The following MAPK8IP2 variants were observed in gnomAD, a reference collection of about 807,000 sequenced individuals.
MAPK8IP2 encodes C-Jun-amino-terminal kinase-interacting protein 2.
Under a neutral mutation model 75.6 loss-of-function variants are expected in MAPK8IP2, and 15 were observed. The observed-to-expected ratio is 0.20, with a 90% CI of 0.13 to 0.31. MAPK8IP2 has a LOEUF of 0.31. MAPK8IP2 is among the 10% of genes least tolerant of loss of function. The probability of loss-of-function intolerance (pLI) is 1.00; values close to 1 mark genes in which losing one functional copy is unlikely to be tolerated. For synonymous variants in MAPK8IP2, 632 were observed against 554.5 expected, an observed-to-expected ratio of 1.14 and a Z score of -1.96; for missense variants, 1,089 against 1,211.2, an observed-to-expected ratio of 0.90 and a Z score of 1.50.
chr22:50,610,990 T>C lies in MAPK8IP2; in HGVS notation c.*211T>C. ...GGAGTGGAGCCCCCGTGCCCCTGCT[T>C]TTCCTCAGATCCGTTCTTTCTCTGT... On this transcript the variant is annotated 3_prime_UTR_variant, in exon 12 of 12. Transcript: ENST00000329492. The surrounding 1 kb of genome is among the most constrained non-coding windows in gnomAD (Gnocchi z 4.3). The C allele has an allele frequency of 1.8e-6, 1 of 549,968 alleles. No homozygotes were observed. Among genetic ancestry groups the C allele is most frequent in the Non-Finnish European group, 3.3e-6 (1 of 307,098 alleles). The allele number at this position is 549,968 out of a possible 1,614,324, so 34.1% of individuals were successfully genotyped here. A position where few individuals can be genotyped will look rare whatever the true frequency, so the allele number is the denominator to read the frequency against.
rs749174201 is a variant in MAPK8IP2 at position 50,610,610 on chromosome 22, G to C, written c.2403-97G>C. 1.4e-5 allele frequency: 14 copies of C among 989,252 alleles called. No individual in the cohort carries two copies. The highest frequency in any genetic ancestry group is 2.0e-5 in the Non-Finnish European group (13 of 648,000). 61.3% of individuals were successfully genotyped at this position (989,252 alleles called of 1,614,324 possible). A position where few individuals can be genotyped will look rare whatever the true frequency, so the allele number is the denominator to read the frequency against. On this transcript the variant is annotated intron_variant, in intron 11 of 11. Transcript: ENST00000329492. The surrounding 1 kb of genome is among the most constrained non-coding windows in gnomAD (Gnocchi z 4.3). ...GGGTGGGGGGTTATGGATGGCTGCA[G>C]AGGGAGGAAGGAGGGAGAGCTCAGA...
chr22:50,604,176 C>T lies in MAPK8IP2; in HGVS notation c.877C>T (p.Leu293Phe). ...GSSSSGRSSH[L>F]TNSIEEASSP... The stretch of plus-strand genomic sequence containing the variant: ...CAGCAGCAGCGGCCGCTCCTCGCAC[C>T]TCACCAACTCCATCGAGGAGGCCTC... The change falls in exon 5 of 12, where the codon CTC becomes TTC. Residue 293 changes from leucine to phenylalanine, a missense_variant. Leu to Phe is a conservative substitution (Grantham distance 22). Around this residue, in one of 2 missense-constraint regions of MAPK8IP2, gnomAD observed 960 missense variants for 1,009.6 expected, o/e 0.95. Coordinates refer to ENST00000329492, the MANE Select transcript of MAPK8IP2 (RefSeq NM_012324.6). The T allele has an allele frequency of 1.3e-6, 2 of 1,549,034 alleles. No homozygotes were observed. Among genetic ancestry groups the T allele is most frequent in the East Asian group, 2.4e-5 (1 of 41,660 alleles).
chr22:50,603,310 A>G lies in MAPK8IP2; in HGVS notation c.259A>G (p.Asn87Asp), dbSNP rs370878721. Residue 87 changes from asparagine (N) to aspartate (D), a missense_variant, in exon 3 of 12, where the codon AAT (asparagine) becomes GAT (aspartate). Asn to Asp is a conservative substitution (Grantham distance 23). Transcript: ENST00000329492. ...DFQEFEMIDD[N>D]EEEDDEDEEE... ...CCAGGAGTTTGAGATGATCGATGAC[A>G]ATGAAGAGGAGGACGATGAGGACGA... 6 of 1,568,598 alleles carry G rather than the reference A, an allele frequency of 3.8e-6. No homozygotes were observed. Among genetic ancestry groups the G allele is most frequent in the South Asian group, 1.2e-5 (1 of 86,536 alleles).
chr22:50,610,214 A>G lies in MAPK8IP2; in HGVS notation c.2306A>G (p.Tyr769Cys). The G allele has an allele frequency of 1.9e-6, 3 of 1,599,822 alleles. No homozygotes were observed. The highest frequency in any genetic ancestry group is 2.6e-6 in the Non-Finnish European group (3 of 1,173,704). The change falls in exon 11 of 12, where the codon TAT becomes TGT. Residue 769 changes from tyrosine to cysteine, a missense_variant and splice_region_variant. Transcript: ENST00000329492. This position sits in a 1 kb window ranked among gnomAD's most constrained non-coding sequence, Gnocchi z 4.3. The stretch of plus-strand genomic sequence containing the variant: ...CCTCCACACTGACTTGCCCGCAGCT[A>G]TTTCGGCTTCATCACCAAACACCCC... Reference protein sequence around the residue: ...FCGCHPRNSCYFGFITKHPLL... With the variant: ...FCGCHPRNSCCFGFITKHPLL...
Position 50,603,648 on chromosome 22 carries a change from G to T in MAPK8IP2, c.470G>T (p.Gly157Val), listed in dbSNP as rs375281451. 3.9e-5 allele frequency: 62 copies of T among 1,594,168 alleles called. No individual in the cohort carries two copies. In the African/African-American group the frequency reaches 8.1e-4, roughly 21 times the overall value. ...GAQDSLNNNG[G>V]FDLVRPASWQ... ...CAGGACTCCCTAAACAACAACGGAG[G>T]CTTTGACCTGGTGCGTCCGGCCTCC... Residue 157 changes from glycine to valine, a missense_variant, in exon 4 of 12, where the codon GGC (glycine) becomes GTC (valine). By Grantham distance (109) the Gly-to-Val change is moderately radical. Around this residue, in one of 2 missense-constraint regions of MAPK8IP2, gnomAD observed 960 missense variants for 1,009.6 expected, o/e 0.95. Coordinates refer to ENST00000329492, the MANE Select transcript of MAPK8IP2 (RefSeq NM_012324.6).
chr22:50,606,000 C>A, intron 8 of MAPK8IP2, 66 bp downstream of exon 8: 3 of 1,288,178 alleles, frequency 2.3e-6, no homozygotes, highest in South Asian at 1.3e-5. Context: ...GCACTGCAGG[C>A]TGGCACAGGG....
intron 2 of MAPK8IP2, among the ~76,000 whole-genome samples, chr22:50,602,567 G>A (rs1337319961): frequency 1.3e-5 from 2 of 152,226 alleles, no homozygotes; most frequent in South Asian, 4.1e-4. Context: ...AATCCACACT[G>A]AAGGAATCAG....
rs772197693 is a variant in MAPK8IP2, at chr22:50,609,940, G to A, written c.2304-272G>A. 2.0e-5 allele frequency: 13 copies of A among 637,348 alleles called. 1 individual carries two copies. The highest frequency in any genetic ancestry group is 3.4e-5 in the East Asian group (1 of 29,252). 39.5% of individuals were successfully genotyped at this position (637,348 alleles called of 1,614,324 possible). On this transcript the variant is annotated intron_variant, in intron 10 of 11. Transcript: ENST00000329492. ...CAGGCCCTGAATAGGGCCACAGAGG[G>A]TAGCAGCACCGGCTCAGAGAAGGGA...
In MAPK8IP2 at chr22:50,613,759, G is replaced by A. The variant is rs2071185308; in HGVS notation, c.*2980G>A. On this transcript the variant is annotated 3_prime_UTR_variant, in exon 12 of 12. Transcript: ENST00000329492. ...TCACTGGGTGACCTCCCGTCCTTGT[G>A]GGCGCTCCCGGGCCCTGGTCTCGGG... 9 of 152,148 alleles carry A rather than the reference G, an allele frequency of 5.9e-5. No individual in the cohort carries two copies. The highest frequency in any genetic ancestry group is 5.9e-4 in the Admixed American group (9 of 15,276). 9.4% of individuals were successfully genotyped at this position (152,148 alleles called of 1,614,324 possible). A position where few individuals can be genotyped will look rare whatever the true frequency, so the allele number is the denominator to read the frequency against.
rs574715720 is a variant in MAPK8IP2, at chr22:50,612,483, A to G, written c.*1704A>G. On this transcript the variant is annotated 3_prime_UTR_variant, in exon 12 of 12. Transcript: ENST00000329492. ...AAACATTAGAAAGTGCTGTCCGTAA[A>G]AAACACGTCTTCACAGAGCCAACAA... The G allele has an allele frequency of 1.3e-5, 2 of 152,338 alleles. No individual in the cohort carries two copies. Among genetic ancestry groups the G allele is most frequent in the South Asian group, 4.1e-4 (2 of 4,824 alleles). 9.4% of individuals were successfully genotyped at this position (152,338 alleles called of 1,614,324 possible). A position where few individuals can be genotyped will look rare whatever the true frequency, so the allele number is the denominator to read the frequency against.
chr22:50,604,164 C>G lies in MAPK8IP2; in HGVS notation c.865C>G (p.Arg289Gly). The change falls in exon 5 of 12, where the codon CGC becomes GGC. Residue 289 changes from arginine (R) to glycine (G), a missense_variant. Around this residue, in one of 2 missense-constraint regions of MAPK8IP2, gnomAD observed 960 missense variants for 1,009.6 expected, o/e 0.95. Coordinates refer to ENST00000329492, the MANE Select transcript of MAPK8IP2 (RefSeq NM_012324.6). ...CGATGGCGGAAGCAGCAGCAGCGGC[C>G]GCTCCTCGCACCTCACCAACTCCAT... The part of the protein sequence containing the change: ...SSDGGSSSSG[R>G]SSHLTNSIEE... 1 of 1,550,134 alleles carries G rather than the reference C, an allele frequency of 6.5e-7. No individual in the cohort carries two copies. Among genetic ancestry groups the G allele is most frequent in the Non-Finnish European group, 8.6e-7 (1 of 1,156,588 alleles).
intron 10 of MAPK8IP2, among the ~76,000 whole-genome samples, chr22:50,609,521 G>C (rs2071109334): frequency 6.6e-6 from 1 of 151,766 alleles, no homozygotes; most frequent in African/African-American, 2.4e-5. Context: ...CTGGCAAGCA[G>C]ACCATCATGT....
intron 10 of MAPK8IP2, among the ~76,000 whole-genome samples, chr22:50,608,830 C>T (rs966432809): frequency 2.7e-5 from 4 of 150,552 alleles, no homozygotes; most frequent in Admixed American, 6.6e-5. Context: ...GCGGACGGGG[C>T]GCAGACCAGA....
intron 1 of MAPK8IP2, chr22:50,601,453 GTTGC>G: frequency 4.1e-6 from 1 of 243,938 alleles, no homozygotes; most frequent in South Asian, 7.3e-5. Context: ...CCGCTGCCGC[GTTGC>G]AGCTCCCCCT....
In MAPK8IP2 at chr22:50,604,766, C is replaced by T. The variant is rs2071014605; in HGVS notation, c.1467C>T (p.Pro489=). 10 of 1,544,104 alleles carry T rather than the reference C, an allele frequency of 6.5e-6. No homozygotes were observed. Among genetic ancestry groups the T allele is most frequent in the Non-Finnish European group, 8.7e-6 (10 of 1,145,434 alleles). Residue 489 remains proline (P), a synonymous_variant, in exon 5 of 12, where the codon CCC becomes CCT. Coordinates refer to ENST00000329492, the MANE Select transcript of MAPK8IP2 (RefSeq NM_012324.6). ...ATGCCGAGGACAGTGCGGGGTCCCC[C>T]GGGGGCAGGGGCACGGGCCCCTCGG... The part of the protein sequence containing the change: ...EEDAEDSAGS[P]GGRGTGPSAP...
Position 50,605,001 on chromosome 22 carries a change from C to T in MAPK8IP2, c.1702C>T (p.Pro568Ser), listed in dbSNP as rs1290895021. ...CTCGGGGGACACCTCGCCGGACAGC[C>T]CTGACCTCACTTTCTCCAAGAAGTT... ...QVSGDTSPDS[P>S]DLTFSKKFLN... is the part of the protein sequence containing the mutation. Residue 568 changes from proline to serine, a missense_variant, in exon 5 of 12, where the codon CCT becomes TCT. Transcript: ENST00000329492. The T allele has an allele frequency of 1.9e-6, 3 of 1,612,364 alleles. No individual in the cohort carries two copies. The highest frequency in any genetic ancestry group is 2.7e-5 in the African/African-American group (2 of 74,912).
chr22:50,602,009 C>A (rs1461011661), intron 2 of MAPK8IP2, 115 bp downstream of exon 2: 4 of 758,776 alleles, frequency 5.3e-6, no homozygotes, highest in African/African-American at 5.2e-5. Context: ...ACCGGGGACT[C>A]CTCTGATGGC....
At chr22:50,603,548 AC>A in intron 3 of MAPK8IP2, 50 bp downstream of exon 3, 1 of 1,577,404 alleles carries the variant, frequency 6.3e-7, no homozygotes. Flanking sequence ...GGTTCATAGC[AC>A]CTGGGCTGCA....
In MAPK8IP2 at chr22:50,603,214, G is replaced by A. The variant is rs777747481; in HGVS notation, c.172-9G>A. 19 of 1,611,682 alleles carry A rather than the reference G, an allele frequency of 1.2e-5. No homozygotes were observed. Among genetic ancestry groups the A allele is most frequent in the Admixed American group, 5.0e-5 (3 of 59,934 alleles). On this transcript the variant is annotated splice_polypyrimidine_tract_variant and intron_variant, in intron 2 of 11. Transcript: ENST00000329492. ...TGGCCCAGCCCTGCTATCTCCCTCCGTCCTGCAGGACAGCCTCTCCCTGGG... is the reference window on the plus strand; with the variant it reads ...TGGCCCAGCCCTGCTATCTCCCTCCATCCTGCAGGACAGCCTCTCCCTGGG...
Sources: gnomAD v4.1 joint callset for allele counts (sites outside exome capture counted in the v4.1 genomes callset) on GRCh38, gnomAD v4.1.1 for gene constraint, gnomAD v4.1.1 regional missense constraint, Gnocchi (gnomAD v3.1) non-coding constraint, MANE v1.5 for transcripts, NCBI Gene and HGNC (gene_info 2026-07-23, HGNC 2026-07-21) for gene names.